ZFHX3: variants seen among roughly 807,000 people sequenced by gnomAD.
ZFHX3 encodes zinc finger homeobox protein 3.
A neutral mutation model predicts 279.1 loss-of-function variants in ZFHX3; 42 were observed. The ratio of observed to expected loss-of-function variants is 0.15; its 90% CI spans 0.12 to 0.19. The LOEUF is 0.19. ZFHX3 is among the 10% of genes least tolerant of loss of function. ZFHX3 has a pLI of 1.00. For missense variants in ZFHX3, 4,981 were observed against 4,754.0 expected, an observed-to-expected ratio of 1.05 and a Z score of -1.40; for synonymous variants, 2,293 against 1,957.8, an observed-to-expected ratio of 1.17 and a Z score of -4.52.
At chr16:73,240,051 G>A (rs1050006089) in intron 5 of ZFHX3, among the ~76,000 whole-genome samples, 52 of 148,162 alleles carry the variant, frequency 3.5e-4, no homozygotes, top group Middle Eastern at 3.4e-3. Flanking sequence ...GTGTGTGTGT[G>A]TATATCTATA....
At position 73,157,621 on chromosome 16, in the gene ZFHX3, G is replaced by A. The variant is rs988187428; in HGVS notation, c.-1103-13790C>T. ...ATTTGGCTTAATTGAAACTGAGAAA[G>A]TTCTTAAAGTTTGAACAGCAGTAAT... On this transcript the variant is annotated intron_variant, in intron 5 of 17. Transcript: ENST00000641206. Among the ~76,000 whole-genome samples the A allele has an allele frequency of 1.8e-4, 28 of 152,110 alleles. 1 individual carries two copies. The highest frequency in any genetic ancestry group is 1.5e-5 in the Non-Finnish European group (1 of 68,028).
At chr16:73,835,079 A>C (rs1956148640) in intron 1 of ZFHX3, among the ~76,000 whole-genome samples, 1 of 152,200 alleles carries the variant, frequency 6.6e-6, no homozygotes, top group Admixed American at 6.5e-5. Flanking sequence ...GTGCCACTCT[A>C]TGTTATGACT....
intron 1 of ZFHX3, among the ~76,000 whole-genome samples, chr16:73,727,635 G>T (rs1486709909): frequency 2.0e-5 from 3 of 152,110 alleles, no homozygotes; most frequent in Non-Finnish European, 4.4e-5. Flanking sequence ...GTTTTCTTCT[G>T]ATCCCATCCC....
At chr16:73,372,170 A>G (rs914531380) in intron 3 of ZFHX3, among the ~76,000 whole-genome samples, 1 of 151,954 alleles carries the variant, frequency 6.6e-6, no homozygotes, top group African/African-American at 2.4e-5. Context: ...AATCCTGTCT[A>G]CTCTCATGGC....
intron 3 of ZFHX3, among the ~76,000 whole-genome samples, chr16:73,390,013 T>G (rs897346502): frequency 3.9e-5 from 6 of 152,040 alleles, no homozygotes; most frequent in African/African-American, 1.4e-4. Flanking sequence ...TAAGCCGAGA[T>G]TGCACCACTG....
chr16:73,018,358 A>G (rs1158456255), intron 1 of ZFHX3, among the ~76,000 whole-genome samples: 2 of 152,094 alleles, frequency 1.3e-5, no homozygotes, highest in Non-Finnish European at 2.9e-5. Context: ...CTGTCATCCC[A>G]ACACTTTGGG....
At chr16:72,901,557 G>A (rs888228772) in intron 3 of ZFHX3, among the ~76,000 whole-genome samples, 1 of 152,174 alleles carries the variant, frequency 6.6e-6, no homozygotes, top group Non-Finnish European at 1.5e-5. Flanking sequence ...AAGTGACGGG[G>A]CGAGGCAGAA....
intron 4 of ZFHX3, among the ~76,000 whole-genome samples, chr16:72,857,634 G>A (rs1015060467): frequency 6.6e-6 from 1 of 152,164 alleles, no homozygotes; most frequent in Admixed American, 6.5e-5. Context: ...GTAGTGAACC[G>A]CGATCGTGCC....
At chr16:73,093,115 C>G in intron 8 of ZFHX3, 1 of 520,120 alleles carries the variant, frequency 1.9e-6, no homozygotes, top group Non-Finnish European at 3.8e-6. Flanking sequence ...GATCAAAGAA[C>G]TCTGAAAACA....
intron 5 of ZFHX3, among the ~76,000 whole-genome samples, chr16:73,207,954 A>G (rs574025679): frequency 6.6e-6 from 1 of 152,294 alleles, no homozygotes; most frequent in South Asian, 2.1e-4. Context: ...CTTCTGAGGA[A>G]TCTATCCTAC....
intron 2 of ZFHX3, among the ~76,000 whole-genome samples, chr16:73,653,968 A>T (rs2052696553): frequency 6.6e-6 from 1 of 152,066 alleles, no homozygotes; most frequent in Non-Finnish European, 1.5e-5. Context: ...GTGGATCACG[A>T]GGTCAGGAGA....
At chr16:73,785,474 T>TA (rs71156189) in intron 1 of ZFHX3, among the ~76,000 whole-genome samples, 38,928 of 152,096 alleles carry the variant, frequency 0.26, 5,814 homozygotes, top group Non-Finnish European at 0.34. Flanking sequence ...ATTGGGTTTC[T>TA]AAAAAGGCTT....
chr16:73,631,089 G>GA (rs1445616714), intron 2 of ZFHX3, among the ~76,000 whole-genome samples: 1 of 152,186 alleles, frequency 6.6e-6, no homozygotes, highest in African/African-American at 2.4e-5. Flanking sequence ...TGAGATGGGT[G>GA]AAATGGGCCA....
chr16:73,307,155 C>T (rs969825222), intron 4 of ZFHX3, among the ~76,000 whole-genome samples: 38 of 152,200 alleles, frequency 2.5e-4, no homozygotes, highest in African/African-American at 8.9e-4. Context: ...TGTTTAAATA[C>T]AGTAGCTGAG....
At chr16:73,578,383 G>GA (rs11442717) in intron 2 of ZFHX3, among the ~76,000 whole-genome samples, 73,726 of 144,106 alleles carry the variant, frequency 0.51, 19,839 homozygotes, top group East Asian at 0.8. Context: ...GATGTTAAAT[G>GA]AAAAAAAAAA....
chr16:72,898,072 T>A (rs2038942294), intron 3 of ZFHX3, among the ~76,000 whole-genome samples: 1 of 152,128 alleles, frequency 6.6e-6, no homozygotes, highest in Non-Finnish European at 1.5e-5. Flanking sequence ...TCAGATCGCG[T>A]TATAGTTCCA....
At chr16:73,891,228 C>A (rs1286159868) in intron 1 of ZFHX3, among the ~76,000 whole-genome samples, 2 of 152,088 alleles carry the variant, frequency 1.3e-5, no homozygotes, top group African/African-American at 4.8e-5. Context: ...TCCCTCCAAT[C>A]CCCACCTCTC....
intron 1 of ZFHX3, among the ~76,000 whole-genome samples, chr16:73,884,292 TA>T (rs897751118): frequency 2.4e-3 from 367 of 150,008 alleles, no homozygotes; most frequent in African/African-American, 8.0e-3. Flanking sequence ...GTGTTTTGGT[TA>T]AAAAAAAAAT....
In ZFHX3 at chr16:72,971,509, T is replaced by C. The variant is rs75309208; in HGVS notation, c.-49-11315A>G. 7.1e-3 allele frequency among the ~76,000 whole-genome samples: 1,082 copies of C among 152,300 alleles called. 16 individuals are homozygous for C. Among genetic ancestry groups the C allele is most frequent in the African/African-American group, 0.025 (1,031 of 41,568 alleles). On this transcript the variant is annotated intron_variant, in intron 1 of 9. Coordinates refer to ENST00000268489, the MANE Select transcript of ZFHX3 (RefSeq NM_006885.4). ...AGCTGCATGCTAGTTTAGTCGGCCT[T>C]TGAAAGTAGGTAAGCCTCCCTTACC...
Sources: gnomAD v4.1 joint callset for allele counts (sites outside exome capture counted in the v4.1 genomes callset) on GRCh38, gnomAD v4.1.1 for gene constraint, MANE v1.5 for transcripts, NCBI Gene and HGNC (gene_info 2026-07-23, HGNC 2026-07-21) for gene names.